PYGO1: variants seen among roughly 807,000 people sequenced by gnomAD.
PYGO1 encodes the protein pygopus homolog 1.
In PYGO1, 6 loss-of-function variants were observed where a neutral mutation model predicts 29.5. The ratio of observed to expected loss-of-function variants is 0.20; its 90% CI spans 0.11 to 0.40. The LOEUF is 0.40. Among genes scored for constraint, PYGO1 ranks in the 10% least tolerant of loss-of-function variants. PYGO1 has a pLI of 1.00. For synonymous variants in PYGO1, 186 were observed against 180.5 expected (o/e 1.03, Z -0.24); for missense variants, 515 against 514.9 (o/e 1.00, Z 0.00).
In PYGO1 at chr15:55,544,211, AT is replaced by A. The variant is rs2058839757; in HGVS notation, c.*1811del. On this transcript the variant is annotated 3_prime_UTR_variant, in exon 3 of 3. Transcript: ENST00000563719. ...TTGTAGGTCAAAATTAAAACAATGT[AT>A]TTAAAAAAATAAGTTTTATTCAATC... is the stretch of plus-strand genomic sequence containing the variant. The A allele has an allele frequency of 6.6e-6, 1 of 152,218 alleles. No homozygotes were observed. Among genetic ancestry groups the A allele is most frequent in the Admixed American group, 6.5e-5 (1 of 15,280 alleles). 9.4% of individuals were successfully genotyped at this position (152,218 alleles called of 1,614,324 possible).
At chr15:55,551,940 A>G (rs2058880618) in intron 1 of PYGO1, among the ~76,000 whole-genome samples, 1 of 152,226 alleles carries the variant, frequency 6.6e-6, no homozygotes, top group South Asian at 2.1e-4. Context: ...GCATATTAAA[A>G]TAAATCAATT....
At position 55,588,105 on chromosome 15, in the gene PYGO1, C is replaced by T; in HGVS notation, c.-222G>A. 4.4e-6 allele frequency: 4 copies of T among 919,126 alleles called. No homozygotes were observed. The highest frequency in any genetic ancestry group is 5.2e-6 in the Non-Finnish European group (4 of 766,514). 56.9% of individuals were successfully genotyped at this position (919,126 alleles called of 1,614,324 possible). A position where few individuals can be genotyped will look rare whatever the true frequency, so the allele number is the denominator to read the frequency against. ...CGGCGGGGCGGCGTGCGGGCACCGG[C>T]GGGGCTCAGCGGCGGTGGCCGGGAG... On this transcript the variant is annotated 5_prime_UTR_variant, in exon 1 of 3. Transcript: ENST00000563719.
chr15:55,556,882 TACTAAAAAAAAAACTG>T (rs2058908155), intron 1 of PYGO1, among the ~76,000 whole-genome samples: 1 of 151,116 alleles, frequency 6.6e-6, no homozygotes, highest in Non-Finnish European at 1.5e-5. Flanking sequence ...TATGCACATA[TACTAAAAAAAAAACTG>T]GAACAAATAA....
intron 1 of PYGO1, among the ~76,000 whole-genome samples, chr15:55,577,080 G>C (rs1046565285): frequency 6.6e-6 from 1 of 151,972 alleles, no homozygotes; most frequent in East Asian, 1.9e-4. Flanking sequence ...CCCTGCCAAT[G>C]TAAACTGATA....
Position 55,588,066 on chromosome 15 carries a change from T to G in PYGO1, c.-183A>C. ...CAAAGTTTGGGAGGAGGACGAGGCC[T>G]CGGGGCGGCGGGGCGGCGGGGCGGC... On this transcript the variant is annotated 5_prime_UTR_variant, in exon 1 of 3. Transcript: ENST00000563719. 9.2e-7 allele frequency: 1 copy of G among 1,081,774 alleles called. No individual in the cohort carries two copies. 67.0% of individuals were successfully genotyped at this position (1,081,774 alleles called of 1,614,324 possible).
chr15:55,567,368 T>C (rs976604441), intron 1 of PYGO1, among the ~76,000 whole-genome samples: 11 of 151,838 alleles, frequency 7.2e-5, no homozygotes, highest in African/African-American at 2.7e-4. Context: ...CCACCATACC[T>C]GGCTAATTTC....
At chr15:55,588,369 C>G (rs955008364), upstream of PYGO1, among the ~76,000 whole-genome samples, 1 of 149,008 alleles carries the variant, frequency 6.7e-6, no homozygotes, top group Non-Finnish European at 1.5e-5. Flanking sequence ...CTGGAGCCGC[C>G]TGTAAAACCC....
At chr15:55,573,634 C>T (rs866097178) in intron 1 of PYGO1, among the ~76,000 whole-genome samples, 1 of 152,106 alleles carries the variant, frequency 6.6e-6, no homozygotes, top group Admixed American at 6.5e-5. Context: ...GAACTATATA[C>T]ATTGTGATAT....
rs541525536 is a variant in PYGO1, at chr15:55,554,695, G to A, written c.50-5700C>T. ...GGAATATAGGTGACATGATGGAGCT[G>A]AAAAACACAACATGAGAACCTCATG... On this transcript the variant is annotated intron_variant, in intron 1 of 2. Transcript: ENST00000563719. 1.4e-4 allele frequency among the ~76,000 whole-genome samples: 22 copies of A among 152,132 alleles called. No homozygotes were observed. In the South Asian group the frequency reaches 2.7e-3, roughly 19 times the overall value.
At chr15:55,572,006 T>A (rs1263349466) in intron 1 of PYGO1, among the ~76,000 whole-genome samples, 1 of 152,130 alleles carries the variant, frequency 6.6e-6, no homozygotes, top group African/African-American at 2.4e-5. Flanking sequence ...AGGGAGTTTT[T>A]ATCTACAGAT....
intron 1 of PYGO1, among the ~76,000 whole-genome samples, chr15:55,563,785 T>C (rs1174415842): frequency 6.6e-6 from 1 of 152,124 alleles, no homozygotes; most frequent in Non-Finnish European, 1.5e-5. Context: ...CCAAATAAAA[T>C]ACACAAATGG....
chr15:55,554,485 AAAAAAAAAG>A (rs1313879055), intron 1 of PYGO1, among the ~76,000 whole-genome samples: 7 of 75,272 alleles, frequency 9.3e-5, no homozygotes, highest in African/African-American at 3.2e-4. Flanking sequence ...AAAAAAAAAA[AAAAAAAAAG>A]AAAGAAAGAA....
rs2141643360 is a variant in PYGO1, at chr15:55,546,477, C to T, written c.806G>A (p.Ser269Asn). ...ATTAACATTTTTTAATTCAATATTA[C>T]TCTGATTCACTGTGTCATCCATATT... ...HLNMDDTVNQSNIELKNVNRN... is the reference protein window; with the variant it reads ...HLNMDDTVNQNNIELKNVNRN... Residue 269 changes from serine to asparagine, a missense_variant, in exon 3 of 3, where the codon AGT becomes AAT. By Grantham distance (46) the Ser-to-Asn change is conservative. Transcript: ENST00000563719. 2 of 1,614,090 alleles carry T rather than the reference C, an allele frequency of 1.2e-6. No homozygotes were observed. The highest frequency in any genetic ancestry group is 2.2e-5 in the South Asian group (2 of 91,080).
intron 1 of PYGO1, among the ~76,000 whole-genome samples, chr15:55,551,675 C>A (rs1646145183): frequency 6.6e-6 from 1 of 151,948 alleles, no homozygotes; most frequent in African/African-American, 2.4e-5. Flanking sequence ...GGTATGGTGG[C>A]ACATGCCTGT....
intron 1 of PYGO1, among the ~76,000 whole-genome samples, chr15:55,577,429 C>T (rs2059007720): frequency 6.6e-6 from 1 of 152,142 alleles, no homozygotes; most frequent in African/African-American, 2.4e-5. Flanking sequence ...TGGGTACATG[C>T]TTAACCTTGG....
At chr15:55,560,930 G>A (rs2058930197) in intron 1 of PYGO1, among the ~76,000 whole-genome samples, 1 of 152,118 alleles carries the variant, frequency 6.6e-6, no homozygotes, top group Non-Finnish European at 1.5e-5. Flanking sequence ...TCCAGCCTGG[G>A]CGACAGAGCA....
At chr15:55,582,687 C>T (rs2059030088) in intron 1 of PYGO1, among the ~76,000 whole-genome samples, 1 of 152,180 alleles carries the variant, frequency 6.6e-6, no homozygotes, top group Admixed American at 6.5e-5. Context: ...AAACCATATA[C>T]ATCCACTGTA....
intron 1 of PYGO1, among the ~76,000 whole-genome samples, chr15:55,567,197 CTTTTT>C (rs71297645): frequency 1.8e-3 from 85 of 47,072 alleles, no homozygotes; most frequent in African/African-American, 6.2e-3. Flanking sequence ...TTTTGCCCAC[CTTTTT>C]TTTTTTTTTT....
At chr15:55,550,377 G>A (rs7171082) in intron 1 of PYGO1, among the ~76,000 whole-genome samples, 6,012 of 152,242 alleles carry the variant, frequency 0.039, 443 homozygotes, top group African/African-American at 0.14. Context: ...CAGGGGAAGT[G>A]ATAGGAAATT....
Sources: allele counts gnomAD v4.1 joint callset (sites outside exome capture counted in the v4.1 genomes callset), GRCh38; gene constraint gnomAD v4.1.1; transcripts MANE v1.5; gene names NCBI Gene and HGNC (gene_info 2026-07-23, HGNC 2026-07-21).